RAG1: variants seen among roughly 807,000 people sequenced by gnomAD.
The protein encoded by RAG1 is V(D)J recombination-activating protein 1.
In RAG1, 35 loss-of-function variants were observed where a neutral mutation model predicts 62.7. The ratio of observed to expected loss-of-function variants is 0.56; its 90% CI spans 0.43 to 0.74. The LOEUF (loss-of-function observed/expected upper bound fraction) is 0.74, where lower values mean the gene tolerates loss of function less well. Ranked by LOEUF, RAG1 falls within the 30% of genes least tolerant of loss-of-function variation. The probability of loss-of-function intolerance (pLI) is 0.00; values close to 1 mark genes in which losing one functional copy is unlikely to be tolerated. For missense variants in RAG1, 1,169 were observed against 1,278.6 expected (o/e 0.91, Z 1.31); for synonymous variants, 461 against 470.3 (o/e 0.98, Z 0.26).
intron 3 of RAG1, among the ~76,000 whole-genome samples, chr11:36,557,847 A>G (rs1414593649): frequency 3.3e-5 from 5 of 152,172 alleles, no homozygotes; most frequent in African/African-American, 1.2e-4. Flanking sequence ...TGTCTTTTTA[A>G]TATGACCTTT....
Position 36,573,509 on chromosome 11 carries a change from G to A in RAG1, c.205G>A (p.Ala69Thr). The change falls in exon 2 of 2, where the codon GCT (alanine) becomes ACT (threonine). Residue 69 changes from alanine (A) to threonine (T), a missense_variant. Physicochemically the swap from Ala to Thr is moderately conservative, Grantham distance 58. Coordinates refer to ENST00000299440, the MANE Select transcript of RAG1 (RefSeq NM_000448.3). The part of the protein sequence containing the change: ...LEQSPAVLDK[A>T]DGQKPVPTQP... The stretch of plus-strand genomic sequence containing the variant: ...GCAATCTCCAGCAGTCCTGGACAAG[G>A]CTGATGGTCAGAAGCCAGTCCCAAC... 6.2e-7 allele frequency: 1 copy of A among 1,614,196 alleles called. No individual in the cohort carries two copies. Among genetic ancestry groups the A allele is most frequent in the Non-Finnish European group, 8.5e-7 (1 of 1,180,052 alleles).
chr11:36,532,913 A>G (rs1364474072), intron 2 of RAG1, among the ~76,000 whole-genome samples: 1 of 152,244 alleles, frequency 6.6e-6, no homozygotes, highest in Admixed American at 6.5e-5. Context: ...TGCCTAATGT[A>G]TAAACTTTAT....
upstream of RAG1, among the ~76,000 whole-genome samples, chr11:36,564,718 T>C (rs371840018): frequency 1.2e-3 from 177 of 152,282 alleles, 3 homozygotes; most frequent in South Asian, 0.035. Flanking sequence ...TAGAAAACAA[T>C]TTTAAGACAG....
chr11:36,542,172 A>G (rs979762685), intron 3 of RAG1, among the ~76,000 whole-genome samples: 1 of 152,072 alleles, frequency 6.6e-6, no homozygotes, highest in African/African-American at 2.4e-5. Flanking sequence ...TTTATTAGAG[A>G]GCATTCTCTC....
intron 2 of RAG1, among the ~76,000 whole-genome samples, chr11:36,527,351 C>T (rs1353187951): frequency 2.0e-5 from 3 of 152,150 alleles, no homozygotes; most frequent in East Asian, 1.9e-4. Flanking sequence ...ATCCCTTCCC[C>T]ATTGCTTGTT....
chr11:36,563,622 G>A (rs377575791), upstream of RAG1: 3 of 152,042 alleles, frequency 2.0e-5, no homozygotes, highest in Admixed American at 2.0e-4. Context: ...AGTTGAAAGT[G>A]AATATAGTTT....
rs1850863241 is a variant in RAG1, at chr11:36,577,033, A to G, written c.*597A>G. 5.9e-6 allele frequency: 1 copy of G among 168,510 alleles called. No homozygotes were observed. Among genetic ancestry groups the G allele is most frequent in the African/African-American group, 2.4e-5 (1 of 41,460 alleles). The allele number at this position is 168,510 out of a possible 1,614,324, so 10.4% of individuals were successfully genotyped here. On this transcript the variant is annotated 3_prime_UTR_variant, in exon 2 of 2. Transcript: ENST00000299440. ...AATGCATTTACCCATTCGTTATATA[A>G]ATATGTTACATCAGGACAACTTTGA...
chr11:36,517,747 A>G (rs1860015608), intron 1 of RAG1, among the ~76,000 whole-genome samples: 1 of 152,196 alleles, frequency 6.6e-6, no homozygotes, highest in Admixed American at 6.5e-5. Context: ...TTTCATCCCA[A>G]TTCCTGCCAG....
intron 3 of RAG1, among the ~76,000 whole-genome samples, chr11:36,544,997 A>G (rs752311062): frequency 6.6e-6 from 1 of 152,234 alleles, no homozygotes; most frequent in African/African-American, 2.4e-5. Context: ...AGTCTCAGGT[A>G]GTTCTTTATA....
chr11:36,549,328 G>T (rs1302475205), intron 3 of RAG1, among the ~76,000 whole-genome samples: 1 of 152,170 alleles, frequency 6.6e-6, no homozygotes, highest in African/African-American at 2.4e-5. Context: ...TCATCAGAGT[G>T]AACAGGCAAC....
rs369015487 is a variant in RAG1 at position 36,515,776 on chromosome 11, G to A, written n.331-4356G>A. On this transcript the variant is annotated intron_variant and non_coding_transcript_variant, in intron 1 of 2. Transcript: ENST00000529126. ...TGCACCTTTGGTTGTCAACTGTCCA[G>A]GCTAGAAGCAGAGTCTGAGCCACCA... Among the ~76,000 whole-genome samples the A allele has an allele frequency of 1.8e-4, 27 of 152,278 alleles. No individual in the cohort carries two copies. The South Asian group carries it at 5.6e-3, about 32-fold the overall frequency.
chr11:36,535,264 T>C (rs10836569), intron 2 of RAG1, among the ~76,000 whole-genome samples: 23,495 of 151,976 alleles, frequency 0.15, 1,866 homozygotes, highest in Admixed American at 0.2. Flanking sequence ...TTGTAAATAT[T>C]CCATGGATTC....
chr11:36,574,462 T>A lies in RAG1; in HGVS notation c.1158T>A (p.Phe386Leu). The A allele has an allele frequency of 1.2e-6, 2 of 1,614,230 alleles. No individual in the cohort carries two copies. Among genetic ancestry groups the A allele is most frequent in the East Asian group, 4.5e-5 (2 of 44,878 alleles). ...ISSHKESKEIFVHINKGGRPR... is the reference protein window; with the variant it reads ...ISSHKESKEILVHINKGGRPR... ...GTCACAAGGAATCAAAAGAGATTTT[T>A]GTGCACATTAATAAAGGGGGCCGGC... The change falls in exon 2 of 2, where the codon TTT becomes TTA. Residue 386 changes from phenylalanine (F) to leucine (L), a missense_variant. This residue lies in a region of RAG1 where 800 missense variants were observed against 943.3 expected (regional missense o/e 0.85). Coordinates refer to ENST00000299440, the MANE Select transcript of RAG1 (RefSeq NM_000448.3).
intron 3 of RAG1, among the ~76,000 whole-genome samples, chr11:36,560,846 C>T (rs981377362): frequency 3.9e-5 from 6 of 152,196 alleles, no homozygotes; most frequent in South Asian, 2.1e-4. Context: ...TCATTTCCTT[C>T]TCTATACTGC....
At chr11:36,530,232 A>G (rs1340312746) in intron 2 of RAG1, among the ~76,000 whole-genome samples, 1 of 151,968 alleles carries the variant, frequency 6.6e-6, no homozygotes, top group African/African-American at 2.4e-5. Context: ...TCTTGCAAGA[A>G]GTTTTGCAAA....
chr11:36,562,008 T>A (rs188418354), intron 3 of RAG1, among the ~76,000 whole-genome samples: 32 of 152,164 alleles, frequency 2.1e-4, no homozygotes, highest in Non-Finnish European at 3.8e-4. Context: ...TGCGGGTAAG[T>A]GGGAGAAAAG....
downstream of RAG1, among the ~76,000 whole-genome samples, chr11:36,540,144 C>T (rs369266755): frequency 4.0e-4 from 61 of 152,200 alleles, no homozygotes; most frequent in Non-Finnish European, 7.8e-4. Context: ...AAAACAGAGT[C>T]GAGAAGCCGG....
chr11:36,531,433 T>C (rs951946807), intron 2 of RAG1, among the ~76,000 whole-genome samples: 7 of 151,920 alleles, frequency 4.6e-5, no homozygotes, highest in African/African-American at 1.7e-4. Flanking sequence ...TAAACATTCG[T>C]TAGAATTCCA....
At chr11:36,550,323 G>T (rs1249708989) in intron 3 of RAG1, among the ~76,000 whole-genome samples, 2 of 151,854 alleles carry the variant, frequency 1.3e-5, no homozygotes, top group Non-Finnish European at 2.9e-5. Flanking sequence ...TCAAAAGATG[G>T]TCAGTTAATT....
Sources: allele counts gnomAD v4.1 joint callset (sites outside exome capture counted in the v4.1 genomes callset), GRCh38; gene constraint gnomAD v4.1.1; regional missense constraint gnomAD v4.1.1; transcripts MANE v1.5; gene names NCBI Gene and HGNC (gene_info 2026-07-23, HGNC 2026-07-21).